GABBR2: variants seen among roughly 807,000 people sequenced by gnomAD.
GABBR2 encodes the protein gamma-aminobutyric acid type B receptor subunit 2, also known as G-protein coupled receptor 51.
GABBR2 carries 23 observed loss-of-function variants against 105.6 expected under a neutral mutation model. The ratio of observed to expected loss-of-function variants is 0.22; its 90% confidence interval spans 0.16 to 0.31. The LOEUF is 0.31. GABBR2 is among the 10% of genes least tolerant of loss of function. GABBR2 has a pLI of 1.00. For missense variants in GABBR2, 734 were observed against 1,245.5 expected (o/e 0.59, Z 6.18); for synonymous variants, 478 against 499.7 (o/e 0.96, Z 0.58).
chr9:98,378,481 T>G (rs573463867), intron 11 of GABBR2, among the ~76,000 whole-genome samples: 32 of 152,298 alleles, frequency 2.1e-4, no homozygotes, highest in African/African-American at 7.7e-4. Flanking sequence ...AGGCTTCTGG[T>G]GCTCCCATTT....
intron 7 of GABBR2, among the ~76,000 whole-genome samples, chr9:98,438,106 AT>A (rs1825960887): frequency 1.3e-5 from 2 of 149,846 alleles, no homozygotes; most frequent in Non-Finnish European, 3.0e-5. Context: ...CCATCCATCC[AT>A]CCACCCATTT....
At chr9:98,402,965 G>A (rs148463488) in intron 8 of GABBR2, among the ~76,000 whole-genome samples, 2,592 of 152,124 alleles carry the variant, frequency 0.017, 33 homozygotes, top group Non-Finnish European at 0.025. Flanking sequence ...ATAACACAAG[G>A]TCCCTCTATT....
intron 13 of GABBR2, among the ~76,000 whole-genome samples, chr9:98,314,971 A>G (rs1162184856): frequency 6.6e-6 from 1 of 152,114 alleles, no homozygotes; most frequent in Non-Finnish European, 1.5e-5. Flanking sequence ...ATCTTCCACC[A>G]GTGATTCATG....
At chr9:98,530,580 C>T (rs1828047669) in intron 3 of GABBR2, among the ~76,000 whole-genome samples, 1 of 152,146 alleles carries the variant, frequency 6.6e-6, no homozygotes, top group Non-Finnish European at 1.5e-5. Flanking sequence ...AAGTTCGAGA[C>T]CAGCCTGGGC....
In GABBR2 at chr9:98,525,108, G is replaced by T. The variant is rs533974103; in HGVS notation, c.630+16765C>A. On this transcript the variant is annotated intron_variant, in intron 3 of 18. Transcript: ENST00000259455. ...GTTCATGACCTTGAATTAGACAATG[G>T]TCTCTTAAATATGACATCAAAAGTA... Among the ~76,000 whole-genome samples the T allele has an allele frequency of 3.9e-5, 6 of 152,174 alleles. No homozygotes were observed. The East Asian group carries it at 1.2e-3, about 29-fold the overall frequency.
At chr9:98,496,316 C>A in intron 4 of GABBR2, 97 bp downstream of exon 4, 1 of 799,470 alleles carries the variant, frequency 1.3e-6, no homozygotes, top group Non-Finnish European at 2.2e-6. Flanking sequence ...GAACTTGAGA[C>A]CCAGACCAAA....
At chr9:98,537,805 T>C (rs950466132) in intron 3 of GABBR2, among the ~76,000 whole-genome samples, 7 of 152,178 alleles carry the variant, frequency 4.6e-5, no homozygotes, top group African/African-American at 1.7e-4. Flanking sequence ...GGTATGTAAA[T>C]TATATCTCAA....
At chr9:98,370,321 G>C (rs585325) in intron 12 of GABBR2, among the ~76,000 whole-genome samples, 54,259 of 151,904 alleles carry the variant, frequency 0.36, 12,406 homozygotes, top group African/African-American at 0.65. Context: ...GCATCAAGAG[G>C]ACGGCAGGAG....
chr9:98,517,108 C>T (rs147215657), intron 3 of GABBR2, among the ~76,000 whole-genome samples: 1 of 152,260 alleles, frequency 6.6e-6, no homozygotes, highest in African/African-American at 2.4e-5. Flanking sequence ...TCCGGATTTG[C>T]CCTTGAATAA....
chr9:98,484,022 A>T (rs777095303), intron 4 of GABBR2, among the ~76,000 whole-genome samples: 2 of 152,218 alleles, frequency 1.3e-5, no homozygotes, highest in Non-Finnish European at 2.9e-5. Flanking sequence ...TGCCTGGCCT[A>T]CGCTGCTTAT....
chr9:98,667,892 A>G (rs1830357080), intron 1 of GABBR2, among the ~76,000 whole-genome samples: 3 of 152,202 alleles, frequency 2.0e-5, no homozygotes, highest in Non-Finnish European at 2.9e-5. Context: ...TGCTAGGAAT[A>G]TCAGCTGCTG....
At chr9:98,529,146 CA>C (rs1346192504) in intron 3 of GABBR2, among the ~76,000 whole-genome samples, 1 of 141,128 alleles carries the variant, frequency 7.1e-6, no homozygotes, top group East Asian at 2.0e-4. Context: ...AATGGCCGGC[CA>C]AAAAAATGTT....
intron 2 of GABBR2, among the ~76,000 whole-genome samples, chr9:98,566,600 A>C (rs1015238495): frequency 2.0e-4 from 30 of 152,160 alleles, no homozygotes; most frequent in Non-Finnish European, 3.5e-4. Context: ...ATTTGAACCC[A>C]GGAGGTGGAG....
chr9:98,699,908 T>A (rs337542), intron 1 of GABBR2, among the ~76,000 whole-genome samples: 2 of 152,194 alleles, frequency 1.3e-5, no homozygotes, highest in Non-Finnish European at 2.9e-5. Context: ...TGCAGCTGCT[T>A]ACTGGGCAAA....
chr9:98,415,358 C>CA (rs1832670026), intron 7 of GABBR2, among the ~76,000 whole-genome samples: 1 of 152,178 alleles, frequency 6.6e-6, no homozygotes, highest in Non-Finnish European at 1.5e-5. Flanking sequence ...AATACTCCCT[C>CA]TTGAAATAGA....
At chr9:98,418,793 G>A (rs1476629359) in intron 7 of GABBR2, among the ~76,000 whole-genome samples, 3 of 152,190 alleles carry the variant, frequency 2.0e-5, no homozygotes, top group East Asian at 3.9e-4. Context: ...CTTTGCCCAG[G>A]TTCCTGGGTG....
rs144766177 is a variant in GABBR2 at position 98,292,868 on chromosome 9, T to C, written c.2660+917A>G. ...ACCTGTGTTCGGTGCAGGGGACACATGAAGGACTCATAACTTACTCTCAAG... is the reference window on the plus strand; with the variant it reads ...ACCTGTGTTCGGTGCAGGGGACACACGAAGGACTCATAACTTACTCTCAAG... On this transcript the variant is annotated intron_variant, in intron 18 of 18. Transcript: ENST00000259455. Among the ~76,000 whole-genome samples the C allele has an allele frequency of 1.2e-3, 183 of 152,306 alleles. 1 individual carries two copies. Among genetic ancestry groups the C allele is most frequent in the African/African-American group, 4.0e-3 (168 of 41,574 alleles).
chr9:98,403,756 A>AATAT (rs377488353), intron 8 of GABBR2, among the ~76,000 whole-genome samples: 3 of 145,308 alleles, frequency 2.1e-5, no homozygotes, highest in Admixed American at 6.8e-5. Flanking sequence ...GAAAAAAAAA[A>AATAT]ATATATATAT....
At chr9:98,630,971 G>T (rs966893926) in intron 1 of GABBR2, among the ~76,000 whole-genome samples, 5 of 152,150 alleles carry the variant, frequency 3.3e-5, no homozygotes, top group African/African-American at 1.2e-4. Flanking sequence ...CACGTGGCTG[G>T]TGGCTACCAT....
Sources: gnomAD v4.1 joint callset for allele counts (sites outside exome capture counted in the v4.1 genomes callset) on GRCh38, gnomAD v4.1.1 for gene constraint, MANE v1.5 for transcripts, NCBI Gene and HGNC (gene_info 2026-07-23, HGNC 2026-07-21) for gene names.